The following LRP1B variants were observed in gnomAD, a reference collection of about 807,000 sequenced individuals.
LRP1B encodes LDL receptor related protein 1B.
A neutral mutation model predicts 556.6 loss-of-function variants in LRP1B; 217 were observed. That is an observed-to-expected ratio of 0.39 (90% confidence interval 0.35 to 0.44). LRP1B has a LOEUF of 0.44. Among genes scored for constraint, LRP1B ranks in the 20% least tolerant of loss-of-function variants. The pLI is 1.00. For synonymous variants in LRP1B, 2,047 were observed against 1,865.8 expected, an observed-to-expected ratio of 1.10 and a Z score of -2.50; for missense variants, 5,053 against 5,620.8, an observed-to-expected ratio of 0.90 and a Z score of 3.23.
intron 6 of LRP1B, among the ~76,000 whole-genome samples, chr2:141,207,655 A>ATGTTTT (rs68129080): frequency 4.8e-4 from 73 of 150,692 alleles, no homozygotes; most frequent in South Asian, 1.3e-3. Flanking sequence ...TGTGGGGAGC[A>ATGTTTT]TGTTTTTGTT....
chr2:140,251,262 T>C (rs1222701736), intron 86 of LRP1B, among the ~76,000 whole-genome samples: 1 of 151,848 alleles, frequency 6.6e-6, no homozygotes, highest in Non-Finnish European at 1.5e-5. Context: ...TTATTACATT[T>C]AGTAGCATAA....
chr2:141,094,171 C>T (rs1700238968), intron 7 of LRP1B, among the ~76,000 whole-genome samples: 1 of 152,150 alleles, frequency 6.6e-6, no homozygotes, highest in Non-Finnish European at 1.5e-5. Context: ...TATTTACACA[C>T]ATTCTCATAC....
Position 141,463,637 on chromosome 2 carries a change from T to TA in LRP1B, c.343+16758dup, listed in dbSNP as rs1233153110. Among the ~76,000 whole-genome samples, 22 of 114,900 alleles carry TA rather than the reference T, an allele frequency of 1.9e-4. No individual in the cohort carries two copies. The South Asian group carries it at 2.1e-3, about 11-fold the overall frequency. 75.4% of individuals were successfully genotyped at this position (114,900 alleles called of 152,430 possible). A position where few individuals can be genotyped will look rare whatever the true frequency, so the allele number is the denominator to read the frequency against. Reference sequence around the variant, plus strand: ...TAATTATGTATTATATATTATTATATATTATATATTATATATAATTATATA... The same window carrying TA: ...TAATTATGTATTATATATTATTATATAATTATATATTATATATAATTATATA... On this transcript the variant is annotated intron_variant, in intron 3 of 90. Transcript: ENST00000389484.
intron 3 of LRP1B, among the ~76,000 whole-genome samples, chr2:141,380,963 C>A (rs1358619110): frequency 1.3e-5 from 2 of 151,914 alleles, no homozygotes; most frequent in Non-Finnish European, 2.9e-5. Context: ...TATGTGAAGA[C>A]CGGGCGAGGT....
intron 83 of LRP1B, among the ~76,000 whole-genome samples, chr2:140,306,533 T>A (rs1272233614): frequency 6.6e-6 from 1 of 152,028 alleles, no homozygotes; most frequent in Non-Finnish European, 1.5e-5. Context: ...GTCTATTTGA[T>A]TCTTCTCTCT....
intron 6 of LRP1B, among the ~76,000 whole-genome samples, chr2:141,216,124 C>T (rs1018521558): frequency 3.9e-5 from 6 of 152,174 alleles, no homozygotes; most frequent in African/African-American, 9.7e-5. Flanking sequence ...AGGACCAAGG[C>T]TCTGCTGCTC....
intron 1 of LRP1B, among the ~76,000 whole-genome samples, chr2:141,915,115 G>A (rs1462083469): frequency 6.6e-6 from 1 of 152,154 alleles, no homozygotes; most frequent in East Asian, 1.9e-4. Flanking sequence ...TAGAGCTACA[G>A]TAATCAAAAC....
intron 1 of LRP1B, among the ~76,000 whole-genome samples, chr2:142,016,250 C>T (rs991137701): frequency 3.9e-5 from 6 of 152,016 alleles, no homozygotes; most frequent in Non-Finnish European, 5.9e-5. Context: ...TTAGTTCAAC[C>T]GTTGTGGAAG....
chr2:141,822,638 C>T (rs757264216), intron 1 of LRP1B, among the ~76,000 whole-genome samples: 1 of 152,066 alleles, frequency 6.6e-6, no homozygotes, highest in Non-Finnish European at 1.5e-5. Flanking sequence ...GTGTTTTAAC[C>T]ATTAAAGGCC....
intron 7 of LRP1B, among the ~76,000 whole-genome samples, chr2:141,119,260 T>C (rs1349122841): frequency 6.6e-6 from 1 of 151,890 alleles, no homozygotes; most frequent in Non-Finnish European, 1.5e-5. Flanking sequence ...TAAAGCCTTC[T>C]AAACTGAAAA....
chr2:141,001,574 G>A lies in LRP1B; in HGVS notation c.2503+3761C>T, dbSNP rs1000236069. Among the ~76,000 whole-genome samples the A allele has an allele frequency of 1.3e-5, 2 of 152,000 alleles. 1 individual carries two copies. The highest frequency in any genetic ancestry group is 4.2e-4 in the South Asian group (2 of 4,818). On this transcript the variant is annotated intron_variant, in intron 15 of 90. Transcript: ENST00000389484. ...TATGAGTGAGAACACGTGGTGCTTG[G>A]TTTTCTGTCCTTGCGATAGTTAAAG...
intron 3 of LRP1B, among the ~76,000 whole-genome samples, chr2:141,331,875 C>T (rs72981266): frequency 0.018 from 2,775 of 152,198 alleles, 86 homozygotes; most frequent in African/African-American, 0.062. Context: ...AGACTAATTA[C>T]CCTTGTTCTA....
At position 142,115,524 on chromosome 2, in the gene LRP1B, A is replaced by T. The variant is rs1169338150; in HGVS notation, c.82+15124T>A. Among the ~76,000 whole-genome samples the T allele has an allele frequency of 1.4e-4, 9 of 62,790 alleles. 2 individuals carry two copies. Among genetic ancestry groups the T allele is most frequent in the Non-Finnish European group, 1.9e-4 (6 of 31,090 alleles). The allele number at this position is 62,790 out of a possible 152,430, so 41.2% of individuals were successfully genotyped here. A position where few individuals can be genotyped will look rare whatever the true frequency, so the allele number is the denominator to read the frequency against. On this transcript the variant is annotated intron_variant, in intron 1 of 90. Coordinates refer to ENST00000389484, the MANE Select transcript of LRP1B (RefSeq NM_018557.3). Reference sequence around the variant, plus strand: ...AATATATATTATATATTACATATATAATATATATATTACATATGTAATATA... The same window carrying T: ...AATATATATTATATATTACATATATTATATATATATTACATATGTAATATA...
intron 41 of LRP1B, among the ~76,000 whole-genome samples, chr2:140,619,316 T>C (rs1385875380): frequency 6.6e-6 from 1 of 152,030 alleles, no homozygotes; most frequent in Non-Finnish European, 1.5e-5. Context: ...TATGAACAGC[T>C]TTTTGTTCTT....
chr2:141,400,163 A>G (rs1401707521), intron 3 of LRP1B, among the ~76,000 whole-genome samples: 2 of 152,064 alleles, frequency 1.3e-5, no homozygotes, highest in Non-Finnish European at 2.9e-5. Context: ...AAAAAATTGT[A>G]GAAACAGGGT....
At chr2:140,828,323 C>CA (rs1242489590) in intron 31 of LRP1B, among the ~76,000 whole-genome samples, 10 of 152,088 alleles carry the variant, frequency 6.6e-5, no homozygotes, top group South Asian at 4.1e-4. Context: ...TTAAAAGACA[C>CA]AAAGGGCCGG....
In LRP1B at chr2:140,358,871, C is replaced by A. The variant is rs371172363; in HGVS notation, c.11207G>T (p.Cys3736Phe). The A allele has an allele frequency of 5.0e-6, 8 of 1,609,208 alleles. No individual in the cohort carries two copies. Among genetic ancestry groups the A allele is most frequent in the Non-Finnish European group, 6.8e-6 (8 of 1,176,472 alleles). The change falls in exon 73 of 91, where the codon TGC becomes TTC. Residue 3736 changes from cysteine (C) to phenylalanine (F), a missense_variant. Physicochemically the swap from Cys to Phe is radical, Grantham distance 205. Transcript: ENST00000389484. ...NRICLQSEQM[C>F]NGIDECGDNS... is the part of the protein sequence containing the mutation. ...GTCACCGCATTCATCAATCCCATTG[C>A]ACATTTGCTCCGACTGTAGGCATAT...
chr2:141,430,903 G>T (rs940464379), intron 3 of LRP1B, among the ~76,000 whole-genome samples: 1 of 152,074 alleles, frequency 6.6e-6, no homozygotes, highest in Non-Finnish European at 1.5e-5. Context: ...GCTGAGGGAA[G>T]AGGACTGCTT....
chr2:141,354,345 A>C (rs1416399148), intron 3 of LRP1B, among the ~76,000 whole-genome samples: 1 of 152,092 alleles, frequency 6.6e-6, no homozygotes, highest in Non-Finnish European at 1.5e-5. Flanking sequence ...CCCATCACTC[A>C]CATAATTCAG....
Sources: gnomAD v4.1 joint callset for allele counts (sites outside exome capture counted in the v4.1 genomes callset) on GRCh38, gnomAD v4.1.1 for gene constraint, MANE v1.5 for transcripts, NCBI Gene and HGNC (gene_info 2026-07-23, HGNC 2026-07-21) for gene names.